Variants in CCSER1 observed in about 807,000 individuals in gnomAD.
CCSER1 encodes the protein serine-rich coiled-coil domain-containing protein 1.
Under a neutral mutation model 82.0 loss-of-function variants are expected in CCSER1, and 41 were observed. The ratio of observed to expected loss-of-function variants is 0.50; its 90% CI spans 0.39 to 0.65. CCSER1 has a LOEUF of 0.65. CCSER1 is among the 30% of genes least tolerant of loss of function. CCSER1 has a pLI of 0.00. For synonymous variants in CCSER1, 414 were observed against 383.9 expected, an observed-to-expected ratio of 1.08 and a Z score of -0.92; for missense variants, 1,119 against 1,064.2, an observed-to-expected ratio of 1.05 and a Z score of -0.72.
At chr4:91,396,230 T>C (rs1323977664) in intron 10 of CCSER1, among the ~76,000 whole-genome samples, 1 of 152,136 alleles carries the variant, frequency 6.6e-6, no homozygotes, top group Non-Finnish European at 1.5e-5. Flanking sequence ...GTAACCATTA[T>C]GCAAGCAAAT....
chr4:90,716,309 A>T (rs1356836620), intron 6 of CCSER1, among the ~76,000 whole-genome samples: 1 of 151,986 alleles, frequency 6.6e-6, no homozygotes, highest in African/African-American at 2.4e-5. Context: ...ATTTTTAAAA[A>T]GTAGTAAATA....
intron 10 of CCSER1, among the ~76,000 whole-genome samples, chr4:91,124,769 A>G (rs560050049): frequency 6.6e-6 from 1 of 151,996 alleles, no homozygotes; most frequent in South Asian, 2.1e-4. Context: ...GAATAAATCA[A>G]CAAAGATTTT....
chr4:91,029,419 AAATACTTTTTGAAAAGCAGGGGG>A (rs890769094), intron 9 of CCSER1, among the ~76,000 whole-genome samples: 1 of 152,054 alleles, frequency 6.6e-6, no homozygotes, highest in African/African-American at 2.4e-5. Context: ...TAATCTACCC[AAATACTTTTTGAAAAGCAGGGGG>A]AATGAGATCT....
chr4:90,646,127 C>T (rs1019433414), intron 6 of CCSER1, among the ~76,000 whole-genome samples: 11 of 152,052 alleles, frequency 7.2e-5, no homozygotes, highest in Admixed American at 4.6e-4. Context: ...TTCTCTGGAC[C>T]ACAGGCCAAA....
chr4:90,908,215 A>C (rs1581028731), intron 8 of CCSER1, among the ~76,000 whole-genome samples: 3 of 152,298 alleles, frequency 2.0e-5, no homozygotes, highest in African/African-American at 7.2e-5. Context: ...ACTTGGAGAT[A>C]AGAATCTACT....
chr4:90,468,520 G>T (rs1763932110), intron 5 of CCSER1, 166 bp downstream of exon 5: 7 of 556,268 alleles, frequency 1.3e-5, no homozygotes, highest in Non-Finnish European at 1.8e-5. Context: ...ATTAACTTCT[G>T]TGTCTCCTAA....
At chr4:91,253,584 A>C (rs115814000) in intron 10 of CCSER1, among the ~76,000 whole-genome samples, 2,789 of 152,330 alleles carry the variant, frequency 0.018, 88 homozygotes, top group African/African-American at 0.061. Context: ...AAAAGGGAGC[A>C]GGGGTGGCTG....
chr4:90,948,224 A>G (rs1243194948), intron 9 of CCSER1, among the ~76,000 whole-genome samples: 1 of 151,948 alleles, frequency 6.6e-6, no homozygotes, highest in Non-Finnish European at 1.5e-5. Flanking sequence ...GTAAACATTC[A>G]TTATATCAAG....
chr4:91,017,811 T>TTGTGTG (rs34719158), intron 9 of CCSER1, among the ~76,000 whole-genome samples: 9 of 143,910 alleles, frequency 6.3e-5, no homozygotes, highest in African/African-American at 2.2e-4. Context: ...GGTTTTTAAA[T>TTGTGTG]TGTGTGTGTG....
At chr4:91,383,763 T>C (rs1751091833) in intron 10 of CCSER1, among the ~76,000 whole-genome samples, 1 of 152,152 alleles carries the variant, frequency 6.6e-6, no homozygotes, top group South Asian at 2.1e-4. Flanking sequence ...TAAAATATAT[T>C]AAGTGAAGAA....
chr4:90,964,022 T>C (rs1408776347), intron 9 of CCSER1, among the ~76,000 whole-genome samples: 1 of 152,188 alleles, frequency 6.6e-6, no homozygotes, highest in Non-Finnish European at 1.5e-5. Context: ...AAACCAATTA[T>C]TTTAATGCAA....
chr4:91,450,711 G>T (rs981797781), intron 10 of CCSER1, among the ~76,000 whole-genome samples: 11 of 151,908 alleles, frequency 7.2e-5, no homozygotes, highest in Non-Finnish European at 1.6e-4. Context: ...TGAGATGAGA[G>T]AATTGCACAA....
At chr4:90,898,691 T>G (rs1724133288) in intron 8 of CCSER1, among the ~76,000 whole-genome samples, 1 of 152,030 alleles carries the variant, frequency 6.6e-6, no homozygotes, top group South Asian at 2.1e-4. Context: ...CAGCACCATT[T>G]ATTGAATAAG....
rs140156935 is a variant in CCSER1 at position 90,735,451 on chromosome 4, G to T, written c.2010+11460G>T. ...TTCAGCAGTGAAGCCACTGGGTCCT[G>T]GGCTTTTCTTTGCTTGGAGATGTTT... is the stretch of plus-strand genomic sequence containing the variant. On this transcript the variant is annotated intron_variant, in intron 7 of 10. Transcript: ENST00000509176. Among the ~76,000 whole-genome samples the T allele has an allele frequency of 9.2e-3, 1,392 of 152,096 alleles. 22 individuals carry two copies. Among genetic ancestry groups the T allele is most frequent in the African/African-American group, 0.032 (1,312 of 41,516 alleles).
chr4:90,389,342 C>T (rs918515140), intron 3 of CCSER1, among the ~76,000 whole-genome samples: 1 of 152,106 alleles, frequency 6.6e-6, no homozygotes, highest in African/African-American at 2.4e-5. Context: ...AAGTATAGGG[C>T]TATATAGCAA....
chr4:91,099,268 G>T (rs1462452444), intron 10 of CCSER1, among the ~76,000 whole-genome samples: 1 of 151,998 alleles, frequency 6.6e-6, no homozygotes, highest in East Asian at 1.9e-4. Context: ...ACAATTTTTT[G>T]GGAAATATAT....
intron 9 of CCSER1, among the ~76,000 whole-genome samples, chr4:90,995,974 T>C (rs1466322625): frequency 3.3e-5 from 5 of 152,136 alleles, no homozygotes. Flanking sequence ...TGTTCAGATT[T>C]TGAGATTTTG....
At chr4:90,803,552 T>C (rs1757107947) in intron 7 of CCSER1, among the ~76,000 whole-genome samples, 1 of 152,224 alleles carries the variant, frequency 6.6e-6, no homozygotes, top group African/African-American at 2.4e-5. Context: ...CATCCTTTTT[T>C]ATGGCTGCAT....
chr4:90,527,252 G>GA (rs987545679), intron 5 of CCSER1, among the ~76,000 whole-genome samples: 1 of 151,840 alleles, frequency 6.6e-6, no homozygotes, highest in African/African-American at 2.4e-5. Context: ...AAATTAATGA[G>GA]AAAAAAACAA....
Sources: gnomAD v4.1 joint callset for allele counts (sites outside exome capture counted in the v4.1 genomes callset) on GRCh38, gnomAD v4.1.1 for gene constraint, MANE v1.5 for transcripts, NCBI Gene and HGNC (gene_info 2026-07-23, HGNC 2026-07-21) for gene names.